PHLPP1: variants seen among roughly 807,000 people sequenced by gnomAD.
The protein encoded by PHLPP1 is PH domain leucine-rich repeat-containing protein phosphatase 1.
A neutral mutation model predicts 117.2 loss-of-function variants in PHLPP1; 42 were observed. That is an observed-to-expected ratio of 0.36 (90% confidence interval 0.28 to 0.46). PHLPP1 has a LOEUF of 0.46. Ranked by LOEUF, PHLPP1 falls within the 20% of genes least tolerant of loss-of-function variation. The pLI is 1.00. For missense variants in PHLPP1, 2,084 were observed against 2,241.9 expected (o/e 0.93, Z 1.42); for synonymous variants, 1,042 against 970.7 (o/e 1.07, Z -1.37).
intron 4 of PHLPP1, among the ~76,000 whole-genome samples, chr18:62,863,163 TTCTCTC>T (rs370493143): frequency 6.7e-6 from 1 of 149,856 alleles, no homozygotes; most frequent in Non-Finnish European, 1.5e-5. Flanking sequence ...ACTTTTATGG[TTCTCTC>T]TCTCTCTCTC....
At chr18:62,913,161 T>C (rs1012816923) in intron 8 of PHLPP1, among the ~76,000 whole-genome samples, 5 of 152,198 alleles carry the variant, frequency 3.3e-5, no homozygotes, top group African/African-American at 1.2e-4. Context: ...TCACAGTGTT[T>C]ACTAGGTCAG....
At chr18:62,838,356 G>T (rs1296517673) in intron 2 of PHLPP1, 1 of 153,264 alleles carries the variant, frequency 6.5e-6, no homozygotes, top group Non-Finnish European at 1.5e-5. Context: ...CTCATGGTAG[G>T]GTTTTATTAC....
intron 10 of PHLPP1, among the ~76,000 whole-genome samples, chr18:62,923,296 A>G (rs548121216): frequency 6.6e-6 from 1 of 152,184 alleles, no homozygotes; most frequent in Non-Finnish European, 1.5e-5. Context: ...GGGAATGAGA[A>G]GGGGCAAATA....
At chr18:62,828,824 A>G (rs1476198278) in intron 1 of PHLPP1, among the ~76,000 whole-genome samples, 1 of 152,178 alleles carries the variant, frequency 6.6e-6, no homozygotes, top group Non-Finnish European at 1.5e-5. Context: ...TTCTAAATAA[A>G]TATGTTATTC....
intron 14 of PHLPP1, among the ~76,000 whole-genome samples, chr18:62,972,045 T>A (rs977627289): frequency 1.3e-4 from 20 of 151,992 alleles, no homozygotes; most frequent in Middle Eastern, 6.8e-3. Flanking sequence ...CAAAAAAAAA[T>A]AAAAATAAAA....
At chr18:62,853,704 A>G (rs1005928046) in intron 3 of PHLPP1, among the ~76,000 whole-genome samples, 2 of 152,172 alleles carry the variant, frequency 1.3e-5, no homozygotes, top group Non-Finnish European at 1.5e-5. Context: ...CTGACTTTCT[A>G]TGGCACAGTT....
intron 4 of PHLPP1, among the ~76,000 whole-genome samples, chr18:62,892,525 A>T (rs1464420646): frequency 6.6e-6 from 1 of 152,036 alleles, no homozygotes; most frequent in African/African-American, 2.4e-5. Context: ...TGAGAGTGAC[A>T]GTTAGGTGTG....
chr18:62,917,614 A>AAGACC (rs1014815140), intron 9 of PHLPP1, among the ~76,000 whole-genome samples: 5 of 151,942 alleles, frequency 3.3e-5, no homozygotes, highest in African/African-American at 1.2e-4. Flanking sequence ...CCAGGAGTTC[A>AAGACC]AGACCAGCCT....
intron 13 of PHLPP1, among the ~76,000 whole-genome samples, chr18:62,961,206 G>C (rs1910757500): frequency 6.6e-6 from 1 of 152,214 alleles, no homozygotes; most frequent in Non-Finnish European, 1.5e-5. Context: ...TGAGGCAGGA[G>C]AGTCACTTGA....
chr18:62,740,347 C>T (rs1056814626), intron 1 of PHLPP1, among the ~76,000 whole-genome samples: 1 of 151,778 alleles, frequency 6.6e-6, no homozygotes, highest in African/African-American at 2.4e-5. Context: ...CTTCTTTTTT[C>T]TTATGACTTA....
At chr18:62,778,008 T>C (rs1913011954) in intron 1 of PHLPP1, among the ~76,000 whole-genome samples, 1 of 152,170 alleles carries the variant, frequency 6.6e-6, no homozygotes, top group African/African-American at 2.4e-5. Context: ...CTAGGTGATG[T>C]CACTTGTTGG....
intron 2 of PHLPP1, among the ~76,000 whole-genome samples, chr18:62,831,269 A>C (rs947032010): frequency 6.6e-6 from 1 of 152,096 alleles, no homozygotes; most frequent in African/African-American, 2.4e-5. Flanking sequence ...TATGTTAATA[A>C]ATGGAAATTA....
intron 1 of PHLPP1, among the ~76,000 whole-genome samples, chr18:62,746,052 T>C (rs1911663206): frequency 6.6e-6 from 1 of 152,180 alleles, no homozygotes; most frequent in African/African-American, 2.4e-5. Context: ...AACTAATTTT[T>C]TTTTTTTTGA....
At chr18:62,915,158 T>G in intron 9 of PHLPP1, 150 bp downstream of exon 9, 1 of 601,012 alleles carries the variant, frequency 1.7e-6, no homozygotes, top group Admixed American at 3.0e-5. Flanking sequence ...TGTCTTCAAG[T>G]TACACACTTG....
intron 3 of PHLPP1, among the ~76,000 whole-genome samples, chr18:62,841,908 A>G (rs2144343717): frequency 6.6e-6 from 1 of 152,294 alleles, no homozygotes; most frequent in Admixed American, 6.5e-5. Context: ...GAAGCTGTGT[A>G]GTGTTGGGGT....
intron 9 of PHLPP1, among the ~76,000 whole-genome samples, chr18:62,919,529 A>G (rs1468324634): frequency 2.0e-5 from 3 of 152,232 alleles, no homozygotes; most frequent in African/African-American, 7.2e-5. Flanking sequence ...AGTTTGATTG[A>G]AGAACCCTTT....
At chr18:62,826,769 G>A (rs1018885981) in intron 1 of PHLPP1, among the ~76,000 whole-genome samples, 3 of 152,224 alleles carry the variant, frequency 2.0e-5, no homozygotes, top group South Asian at 2.1e-4. Flanking sequence ...TTGGGAGGCC[G>A]AGGTGGGTGG....
At chr18:62,779,081 C>T (rs1316834158) in intron 1 of PHLPP1, among the ~76,000 whole-genome samples, 1 of 152,176 alleles carries the variant, frequency 6.6e-6, no homozygotes, top group Non-Finnish European at 1.5e-5. Flanking sequence ...TCCCATTGCA[C>T]TTAGAATGAA....
chr18:62,953,530 C>T (rs564545510), intron 12 of PHLPP1, among the ~76,000 whole-genome samples: 2 of 152,306 alleles, frequency 1.3e-5, no homozygotes, highest in South Asian at 2.1e-4. Flanking sequence ...ATACTTCTGC[C>T]ATATCGTTGA....
Sources: allele counts gnomAD v4.1 joint callset (sites outside exome capture counted in the v4.1 genomes callset), GRCh38; gene constraint gnomAD v4.1.1; transcripts MANE v1.5; gene names NCBI Gene and HGNC (gene_info 2026-07-23, HGNC 2026-07-21).